BMP6: variants seen among roughly 807,000 people sequenced by gnomAD.
BMP6 encodes the protein VG-1-R.
In BMP6, 17 loss-of-function variants were observed where a neutral mutation model predicts 54.1. That is an observed-to-expected ratio of 0.31 (90% CI 0.22 to 0.47). The LOEUF is 0.47. Ranked by LOEUF, BMP6 falls within the 20% of genes least tolerant of loss-of-function variation. BMP6 has a pLI of 1.00. For missense variants in BMP6, 720 were observed against 690.4 expected, an observed-to-expected ratio of 1.04 and a Z score of -0.48; for synonymous variants, 328 against 291.2, an observed-to-expected ratio of 1.13 and a Z score of -1.28.
intron 1 of BMP6, among the ~76,000 whole-genome samples, chr6:7,809,108 A>ACCC (rs11365211): frequency 9.1e-6 from 1 of 109,552 alleles, no homozygotes; most frequent in African/African-American, 3.3e-5. Flanking sequence ...AGTACCCCCC[A>ACCC]CCCCCCCCCA....
chr6:7,824,462 G>A (rs936130032), intron 1 of BMP6, among the ~76,000 whole-genome samples: 14 of 152,180 alleles, frequency 9.2e-5, no homozygotes, highest in African/African-American at 3.1e-4. Context: ...ATAAACAATA[G>A]AGGGAGGAGG....
intron 2 of BMP6, among the ~76,000 whole-genome samples, chr6:7,856,012 T>A (rs1273672933): frequency 4.0e-5 from 6 of 150,730 alleles, no homozygotes; most frequent in African/African-American, 7.3e-5. Flanking sequence ...TTATATTGGT[T>A]TTTTAAAGAC....
intron 1 of BMP6, among the ~76,000 whole-genome samples, chr6:7,825,690 A>G (rs1463065145): frequency 6.6e-6 from 1 of 151,802 alleles, no homozygotes; most frequent in Non-Finnish European, 1.5e-5. Flanking sequence ...ATTGCGCTCC[A>G]GCCTGGGCAA....
rs776460025 is a variant in BMP6 at position 7,845,121 on chromosome 6, CTCT to C, written c.665-17_665-15del. The C allele has an allele frequency of 3.1e-6, 5 of 1,602,374 alleles. No individual in the cohort carries two copies. The Admixed American group carries it at 8.4e-5, about 27-fold the overall frequency. ...GTCAAGTAACAATAGTTGTCACTCT[CTCT>C]TGTTTAATCTTATAGTGGAGTACGA... is the stretch of plus-strand genomic sequence containing the variant. On this transcript the variant is annotated splice_polypyrimidine_tract_variant and intron_variant, in intron 1 of 6. Coordinates refer to ENST00000283147, the MANE Select transcript of BMP6 (RefSeq NM_001718.6).
chr6:7,755,462 A>G (rs953032644), intron 1 of BMP6, among the ~76,000 whole-genome samples: 1 of 152,104 alleles, frequency 6.6e-6, no homozygotes, highest in Non-Finnish European at 1.5e-5. Flanking sequence ...GTATACTTCA[A>G]TTTCCTTCTT....
intron 1 of BMP6, among the ~76,000 whole-genome samples, chr6:7,835,807 A>G (rs775826660): frequency 6.6e-6 from 1 of 152,018 alleles, no homozygotes; most frequent in Non-Finnish European, 1.5e-5. Context: ...TGAGACATGT[A>G]TAGTGGTAGC....
At position 7,727,303 on chromosome 6, in the gene BMP6, G is replaced by A; in HGVS notation, c.348G>A (p.Gln116=). The change falls in exon 1 of 7, where the codon CAG becomes CAA. Residue 116 remains glutamine, a synonymous_variant. Transcript: ENST00000283147. ...ALRQQEEQQQ[Q]QQLPRGEPPP... Reference sequence around the variant, plus strand: ...GGCAGCAGGAGGAGCAGCAGCAGCAGCAGCAGCTGCCTCGCGGAGAGCCCC... The same window carrying A: ...GGCAGCAGGAGGAGCAGCAGCAGCAACAGCAGCTGCCTCGCGGAGAGCCCC... The A allele has an allele frequency of 4.4e-6, 7 of 1,607,850 alleles. No homozygotes were observed. Among genetic ancestry groups the A allele is most frequent in the Admixed American group, 1.7e-5 (1 of 59,668 alleles).
At chr6:7,764,059 C>T (rs1391611704) in intron 1 of BMP6, among the ~76,000 whole-genome samples, 1 of 152,162 alleles carries the variant, frequency 6.6e-6, no homozygotes. Context: ...CCAGTGAGAG[C>T]GCAGCAGGGG....
intron 1 of BMP6, among the ~76,000 whole-genome samples, chr6:7,826,063 T>G (rs1758692835): frequency 6.6e-6 from 1 of 152,200 alleles, no homozygotes; most frequent in African/African-American, 2.4e-5. Context: ...TGAAGTGGGC[T>G]CCGGGTACCC....
chr6:7,758,266 C>A (rs894564797), intron 1 of BMP6, among the ~76,000 whole-genome samples: 4 of 152,212 alleles, frequency 2.6e-5, no homozygotes, highest in Non-Finnish European at 4.4e-5. Context: ...TGTGAATTCG[C>A]AGATTGAGTA....
At chr6:7,839,686 C>T (rs548996253) in intron 1 of BMP6, among the ~76,000 whole-genome samples, 61 of 152,320 alleles carry the variant, frequency 4.0e-4, no homozygotes, top group African/African-American at 1.4e-3. Flanking sequence ...GTCTGTACCA[C>T]ATTGTGTTTA....
intron 1 of BMP6, among the ~76,000 whole-genome samples, chr6:7,775,979 A>C (rs1406979134): frequency 1.3e-5 from 2 of 152,228 alleles, no homozygotes; most frequent in Non-Finnish European, 2.9e-5. Flanking sequence ...CTCTACGTCC[A>C]TACCACCCTG....
intron 2 of BMP6, among the ~76,000 whole-genome samples, chr6:7,852,162 C>T (rs1392029982): frequency 6.6e-6 from 1 of 152,230 alleles, no homozygotes; most frequent in Admixed American, 6.5e-5. Flanking sequence ...GTAAGGCAGA[C>T]AAAATATGGC....
At chr6:7,840,920 T>C (rs76303497) in intron 1 of BMP6, among the ~76,000 whole-genome samples, 182 of 152,250 alleles carry the variant, frequency 1.2e-3, no homozygotes, top group African/African-American at 4.2e-3. Context: ...CTCACTCGAA[T>C]TGAAAAAGCT....
chr6:7,806,525 A>C (rs1382314182), intron 1 of BMP6, among the ~76,000 whole-genome samples: 2 of 152,146 alleles, frequency 1.3e-5, no homozygotes, highest in Non-Finnish European at 2.9e-5. Context: ...AATGTATTCT[A>C]TTGGCTATTG....
At chr6:7,764,427 A>G (rs1010173435) in intron 1 of BMP6, among the ~76,000 whole-genome samples, 7 of 152,140 alleles carry the variant, frequency 4.6e-5, no homozygotes, top group African/African-American at 1.7e-4. Context: ...AATTTATATC[A>G]ATTACTGCTA....
intron 1 of BMP6, among the ~76,000 whole-genome samples, chr6:7,765,837 A>C (rs1254665815): frequency 6.6e-6 from 1 of 152,200 alleles, no homozygotes; most frequent in Non-Finnish European, 1.5e-5. Flanking sequence ...CGCTGTTTCC[A>C]GTTCCTAGTA....
rs1420982773 is a variant in BMP6, at chr6:7,727,316, C to T, written c.361C>T (p.Arg121Cys). ...EEQQQQQQLP[R>C]GEPPPGRLKS... ...GCAGCAGCAGCAGCAGCAGCTGCCTCGCGGAGAGCCCCCTCCCGGGCGACT... is the reference window on the plus strand; with the variant it reads ...GCAGCAGCAGCAGCAGCAGCTGCCTTGCGGAGAGCCCCCTCCCGGGCGACT... Residue 121 changes from arginine (R) to cysteine (C), a missense_variant, in exon 1 of 7, where the codon CGC (arginine) becomes TGC (cysteine). Arg to Cys is a radical substitution (Grantham distance 180). This residue lies in a region of BMP6 where 650 missense variants were observed against 556.3 expected (regional missense o/e 1.17). Coordinates refer to ENST00000283147, the MANE Select transcript of BMP6 (RefSeq NM_001718.6). 6.2e-7 allele frequency: 1 copy of T among 1,608,784 alleles called. No homozygotes were observed. The highest frequency in any genetic ancestry group is 8.5e-7 in the Non-Finnish European group (1 of 1,178,368).
At chr6:7,749,829 G>T (rs2113127720) in intron 1 of BMP6, among the ~76,000 whole-genome samples, 1 of 152,290 alleles carries the variant, frequency 6.6e-6, no homozygotes, top group East Asian at 1.9e-4. Context: ...ATCAATGGAG[G>T]GGCTTACTCC....
Sources: allele counts gnomAD v4.1 joint callset (sites outside exome capture counted in the v4.1 genomes callset), GRCh38; gene constraint gnomAD v4.1.1; regional missense constraint gnomAD v4.1.1; transcripts MANE v1.5; gene names NCBI Gene and HGNC (gene_info 2026-07-23, HGNC 2026-07-21).